The following ITPR1 variants were observed in gnomAD, a reference collection of about 807,000 sequenced individuals.
The protein encoded by ITPR1 is inositol 1,4,5-trisphosphate receptor type 1, also known as inositol 1,4,5-trisphosphate-gated calcium channel ITPR1.
In ITPR1, 96 loss-of-function variants were observed where a neutral mutation model predicts 318.4. That is an observed-to-expected ratio of 0.30 (90% CI 0.26 to 0.36). The LOEUF (loss-of-function observed/expected upper bound fraction) is 0.36, where lower values mean the gene tolerates loss of function less well. Ranked by LOEUF, ITPR1 falls within the 10% of genes least tolerant of loss-of-function variation. ITPR1 has a pLI of 1.00. For synonymous variants in ITPR1, 1,312 were observed against 1,289.9 expected (o/e 1.02, Z -0.37); for missense variants, 2,440 against 3,460.2 (o/e 0.71, Z 7.40).
rs962504555 is a variant in ITPR1 at position 4,836,251 on chromosome 3, G to C, written c.8029-523G>C. Among the ~76,000 whole-genome samples, 60 of 152,058 alleles carry C rather than the reference G, an allele frequency of 3.9e-4. 1 individual carries two copies. The highest frequency in any genetic ancestry group is 1.4e-3 in the African/African-American group (56 of 41,394). ...AATAGAATGGTGGTTGCCCGGGGCC[G>C]GCGGGAATGGGGTTAGTGTTTGATG... On this transcript the variant is annotated intron_variant, in intron 60 of 61. Coordinates refer to ENST00000649015, the MANE Select transcript of ITPR1 (RefSeq NM_001378452.1).
In ITPR1 at chr3:4,763,405, G is replaced by A. The variant is rs148879797; in HGVS notation, c.5545-3125G>A. 2.8e-3 allele frequency among the ~76,000 whole-genome samples: 425 copies of A among 151,962 alleles called. 1 individual carries two copies. The highest frequency in any genetic ancestry group is 9.7e-3 in the African/African-American group (402 of 41,440). ...TTACTTGAACAGAATAAAAAAAAAA[G>A]AAATGTCTTCCTTCCGTTGAGGCAC... On this transcript the variant is annotated intron_variant, in intron 44 of 61. Coordinates refer to ENST00000649015, the MANE Select transcript of ITPR1 (RefSeq NM_001378452.1).
At chr3:4,696,200 A>T (rs544537696) in intron 33 of ITPR1, among the ~76,000 whole-genome samples, 1 of 152,196 alleles carries the variant, frequency 6.6e-6, no homozygotes, top group Non-Finnish European at 1.5e-5. Flanking sequence ...TGCAATCACC[A>T]TCACAATTTA....
intron 4 of ITPR1, among the ~76,000 whole-genome samples, chr3:4,575,281 A>G (rs996054891): frequency 6.6e-6 from 1 of 152,226 alleles, no homozygotes; most frequent in African/African-American, 2.4e-5. Context: ...GAGGAAAACC[A>G]GAGAGAAGGT....
chr3:4,808,052 C>T (rs181358789), intron 55 of ITPR1, among the ~76,000 whole-genome samples: 1 of 152,372 alleles, frequency 6.6e-6, no homozygotes, highest in East Asian at 1.9e-4. Context: ...GAGTCCTCTT[C>T]TCTTCATCAC....
intron 4 of ITPR1, among the ~76,000 whole-genome samples, chr3:4,552,115 T>G (rs2125000480): frequency 6.6e-6 from 1 of 152,352 alleles, no homozygotes; most frequent in Middle Eastern, 3.4e-3. Flanking sequence ...AAACTCAAAG[T>G]GCTTTTTCTA....
intron 44 of ITPR1, among the ~76,000 whole-genome samples, chr3:4,762,606 A>T (rs2045531196): frequency 6.6e-6 from 1 of 152,250 alleles, no homozygotes; most frequent in African/African-American, 2.4e-5. Context: ...TTTGCACTGT[A>T]CTAAGCACTT....
rs185852794 is a variant in ITPR1, at chr3:4,536,671, C to T, written c.163+15577C>T. ...ATTGTTTTTATCTATGCCATCAGAT[C>T]ACTGTGCCCAAATAATTTGAATTCA... On this transcript the variant is annotated intron_variant, in intron 4 of 61. Transcript: ENST00000649015. Among the ~76,000 whole-genome samples the T allele has an allele frequency of 3.1e-3, 472 of 152,302 alleles. 4 individuals carry two copies. The highest frequency in any genetic ancestry group is 0.011 in the African/African-American group (448 of 41,566).
rs370804770 is a variant in ITPR1, at chr3:4,529,791, CATT to C, written c.163+8699_163+8701del. Among the ~76,000 whole-genome samples, 69 of 152,286 alleles carry C rather than the reference CATT, an allele frequency of 4.5e-4. No individual in the cohort carries two copies. In the East Asian group the frequency reaches 9.1e-3, roughly 20 times the overall value. Reference sequence around the variant, plus strand: ...GAATACCTTGTGTAGTGCTAAGAGACATTAGTGAATATAATCTATTTAATTAAT... The same window carrying C: ...GAATACCTTGTGTAGTGCTAAGAGACAGTGAATATAATCTATTTAATTAAT... On this transcript the variant is annotated intron_variant, in intron 4 of 61. Transcript: ENST00000649015.
At chr3:4,748,257 T>C (rs1338214227) in intron 44 of ITPR1, among the ~76,000 whole-genome samples, 2 of 152,184 alleles carry the variant, frequency 1.3e-5, no homozygotes, top group African/African-American at 4.8e-5. Context: ...GAGTACAATG[T>C]GAGGGAGCTA....
intron 44 of ITPR1, among the ~76,000 whole-genome samples, chr3:4,744,666 G>T (rs1333965664): frequency 1.3e-5 from 2 of 152,328 alleles, no homozygotes; most frequent in East Asian, 3.9e-4. Flanking sequence ...CCTAGGGTTT[G>T]TTTAATCTTT....
intron 4 of ITPR1, among the ~76,000 whole-genome samples, chr3:4,554,077 T>C (rs1207257191): frequency 6.6e-6 from 1 of 152,264 alleles, no homozygotes; most frequent in Non-Finnish European, 1.5e-5. Flanking sequence ...AGAACCTTTA[T>C]TGGTATCTTA....
At chr3:4,725,970 A>T (rs2042486084) in intron 41 of ITPR1, among the ~76,000 whole-genome samples, 1 of 152,256 alleles carries the variant, frequency 6.6e-6, no homozygotes, top group Non-Finnish European at 1.5e-5. Flanking sequence ...TCAATAATAA[A>T]GAATATTTAT....
At chr3:4,837,736 C>T (rs1398261534) in intron 61 of ITPR1, among the ~76,000 whole-genome samples, 1 of 152,088 alleles carries the variant, frequency 6.6e-6, no homozygotes, top group African/African-American at 2.4e-5. Flanking sequence ...ATGAACATGC[C>T]ACAGTCACCA....
At chr3:4,551,950 T>C (rs934864589) in intron 4 of ITPR1, among the ~76,000 whole-genome samples, 4 of 152,224 alleles carry the variant, frequency 2.6e-5, no homozygotes, top group Admixed American at 6.5e-5. Context: ...TTATTACATA[T>C]GCTCTGGAGG....
chr3:4,728,170 G>A (rs1437508043), intron 42 of ITPR1, among the ~76,000 whole-genome samples: 1 of 152,222 alleles, frequency 6.6e-6, no homozygotes, highest in Non-Finnish European at 1.5e-5. Context: ...CCTTGGCCAA[G>A]GGGTAGATCT....
intron 4 of ITPR1, among the ~76,000 whole-genome samples, chr3:4,604,886 G>C (rs1481966199): frequency 6.6e-6 from 1 of 152,112 alleles, no homozygotes; most frequent in East Asian, 1.9e-4. Context: ...TGATGCCCGG[G>C]GTAGGACACA....
intron 4 of ITPR1, among the ~76,000 whole-genome samples, chr3:4,593,636 G>C (rs531837947): frequency 6.6e-6 from 1 of 152,182 alleles, no homozygotes; most frequent in Non-Finnish European, 1.5e-5. Context: ...AATAAGAGGG[G>C]CCATGCTGTT....
chr3:4,840,354 G>A (rs1296626050), intron 61 of ITPR1, among the ~76,000 whole-genome samples: 1 of 152,068 alleles, frequency 6.6e-6, no homozygotes, highest in East Asian at 1.9e-4. Flanking sequence ...AATGATTAAT[G>A]ACCAAGAAAT....
chr3:4,690,454 A>T (rs536535982), intron 31 of ITPR1, among the ~76,000 whole-genome samples: 3 of 152,182 alleles, frequency 2.0e-5, no homozygotes, highest in African/African-American at 7.2e-5. Context: ...TAAAAGACTG[A>T]CAATACTAAG....
Sources: gnomAD v4.1 joint callset for allele counts (sites outside exome capture counted in the v4.1 genomes callset) on GRCh38, gnomAD v4.1.1 for gene constraint, MANE v1.5 for transcripts, NCBI Gene and HGNC (gene_info 2026-07-23, HGNC 2026-07-21) for gene names.